FBXL6: variants seen among roughly 807,000 people sequenced by gnomAD.
FBXL6 encodes the protein F-box/LRR-repeat protein 6.
In FBXL6, 50 loss-of-function variants were observed where a neutral mutation model predicts 53.3. That is an observed-to-expected ratio of 0.94 (90% CI 0.75 to 1.19). The LOEUF is 1.19. FBXL6 is among the 50% of genes most tolerant of loss of function. FBXL6 has a pLI of 0.00. For missense variants in FBXL6, 815 were observed against 719.0 expected (o/e 1.13, Z -1.53); for synonymous variants, 405 against 322.9 (o/e 1.25, Z -2.73).
At position 144,356,710 on chromosome 8, in the gene FBXL6, T is replaced by A; in HGVS notation, c.883A>T (p.Ser295Cys). ...AGGACCTGGAGCTGGGGGCAGCAGC[T>A]GCCCTGCAGAGATGGGGGGAGGGGG... ...TTAILGALLGSCCPQLQVLEV... is the reference protein window; with the variant it reads ...TTAILGALLGCCCPQLQVLEV... Residue 295 changes from serine to cysteine, a missense_variant, in exon 6 of 9, where the codon AGC becomes TGC. Coordinates refer to ENST00000331890, the MANE Select transcript of FBXL6 (RefSeq NM_012162.4). 5 of 1,611,896 alleles carry A rather than the reference T, an allele frequency of 3.1e-6. No individual in the cohort carries two copies. The highest frequency in any genetic ancestry group is 4.2e-6 in the Non-Finnish European group (5 of 1,179,692).
rs1818416215 is a variant in FBXL6 at position 144,356,379 on chromosome 8, G to A, written c.1146C>T (p.Gly382=). 1 of 1,380,190 alleles carries A rather than the reference G, an allele frequency of 7.2e-7. No individual in the cohort carries two copies. Among genetic ancestry groups the A allele is most frequent in the Non-Finnish European group, 9.4e-7 (1 of 1,059,896 alleles). The allele number at this position is 1,380,190 out of a possible 1,614,324, so 85.5% of individuals were successfully genotyped here. The change falls in exon 7 of 9, where the codon GGC becomes GGT. Residue 382 remains glycine, a synonymous_variant. Coordinates refer to ENST00000331890, the MANE Select transcript of FBXL6 (RefSeq NM_012162.4). The stretch of plus-strand genomic sequence containing the variant: ...GATCCAGTAAGCGCAGGTTGGGAGA[G>A]CCGTGGAGTAGGCGGCCCAGGACCT... The part of the protein sequence containing the change: ...SNEVLGRLLH[G]SPNLRLLDLR...
In FBXL6 at chr8:144,358,232, G is replaced by A; in HGVS notation, c.216C>T (p.Pro72=). The stretch of plus-strand genomic sequence containing the variant: ...GCTTGGCCGCGGCGCTGGGGCCCCG[G>A]GGCGGCTGCCGGGGAGTGCGGCGGG... ...RASRRTPRQP[P]RGPSAAAKPK... Residue 72 remains proline, a synonymous_variant, in exon 1 of 9, where the codon CCC becomes CCT. Coordinates refer to ENST00000331890, the MANE Select transcript of FBXL6 (RefSeq NM_012162.4). 1 of 1,208,606 alleles carries A rather than the reference G, an allele frequency of 8.3e-7. No homozygotes were observed. Among genetic ancestry groups the A allele is most frequent in the Non-Finnish European group, 1.0e-6 (1 of 972,866 alleles). The allele number at this position is 1,208,606 out of a possible 1,614,324, so 74.9% of individuals were successfully genotyped here. A position where few individuals can be genotyped will look rare whatever the true frequency, so the allele number is the denominator to read the frequency against.
At chr8:144,355,947 A>T (rs1174979788) in intron 8 of FBXL6, 21 bp downstream of exon 8, 2 of 1,608,674 alleles carry the variant, frequency 1.2e-6, no homozygotes, top group Non-Finnish European at 8.5e-7. Context: ...GGCTCCAGGG[A>T]CTGGGGTAGG....
rs117589117 is a variant in FBXL6, at chr8:144,357,099, C to A, written c.662G>T (p.Arg221Leu). Residue 221 changes from arginine to leucine, a missense_variant, in exon 4 of 9, where the codon CGG (arginine) becomes CTG (leucine). Transcript: ENST00000331890. ...GCCGGAGAGCTTGAGGAAAGTGAGC[C>A]GAGGACAGCACTCACCTACCAGCTG... Reference protein sequence around the residue: ...VLKLVGECCPRLTFLKLSGCH... With the variant: ...VLKLVGECCPLLTFLKLSGCH... 4.5e-3 allele frequency: 7,257 copies of A among 1,612,872 alleles called. 19 individuals are homozygous for A. The highest frequency in any genetic ancestry group is 5.6e-3 in the Non-Finnish European group (6,555 of 1,180,008).
chr8:144,356,796 A>C lies in FBXL6; in HGVS notation c.879+12T>G. The C allele has an allele frequency of 1.9e-6, 3 of 1,613,214 alleles. No individual in the cohort carries two copies. The highest frequency in any genetic ancestry group is 2.5e-6 in the Non-Finnish European group (3 of 1,179,962). ...TCAGCATCTGCCTCTGCTCCCACCA[A>C]TGCCAACTTACCAGCAGTGCGCCCA... On this transcript the variant is annotated intron_variant, in intron 5 of 8. Coordinates refer to ENST00000331890, the MANE Select transcript of FBXL6 (RefSeq NM_012162.4).
In FBXL6 at chr8:144,356,956, G is replaced by GT. The variant is rs782111680; in HGVS notation, c.771+33dup. 4.3e-6 allele frequency: 7 copies of GT among 1,612,978 alleles called. No individual in the cohort carries two copies. The Admixed American group carries it at 6.7e-5, about 15-fold the overall frequency. On this transcript the variant is annotated intron_variant, in intron 4 of 8. Transcript: ENST00000331890. ...AAGAGCACCCGTCACCCCGGCCTGG[G>GT]TTTTTTCAGGGCCCCTTGGGACACA...
Position 144,357,052 on chromosome 8 carries a change from C to G in FBXL6, c.709G>C (p.Ala237Pro). Residue 237 changes from alanine to proline, a missense_variant, in exon 4 of 9, where the codon GCT becomes CCT. By Grantham distance (27) the Ala-to-Pro change is conservative. Coordinates refer to ENST00000331890, the MANE Select transcript of FBXL6 (RefSeq NM_012162.4). ...LSGCHGVTAD[A>P]LVMLAKACCQ... ...CAGGCTTTGGCTAGCATGACCAGAG[C>G]GTCAGCAGTCACACCGTGGCAGCCG... 6.2e-7 allele frequency: 1 copy of G among 1,612,922 alleles called. No homozygotes were observed. The highest frequency in any genetic ancestry group is 8.5e-7 in the Non-Finnish European group (1 of 1,180,012).
Position 144,356,044 on chromosome 8 carries a change from T to C in FBXL6, c.1396A>G (p.Ser466Gly), listed in dbSNP as rs61747069. The change falls in exon 8 of 9, where the codon AGC (serine) becomes GGC (glycine). Residue 466 changes from serine to glycine, a missense_variant. Coordinates refer to ENST00000331890, the MANE Select transcript of FBXL6 (RefSeq NM_012162.4). Reference sequence around the variant, plus strand: ...GCTGGGTGTGAGCCCCCAGGGGTGCTTAAGAAGGCAGCCAGGGCCTGCTCC... The same window carrying C: ...GCTGGGTGTGAGCCCCCAGGGGTGCCTAAGAAGGCAGCCAGGGCCTGCTCC... ...DLEQALAAFL[S>G]TPGGSHPALC... is the part of the protein sequence containing the mutation. 1.0e-4 allele frequency: 169 copies of C among 1,612,860 alleles called. No homozygotes were observed. Among genetic ancestry groups the C allele is most frequent in the Non-Finnish European group, 1.3e-4 (152 of 1,179,998 alleles).
chr8:144,355,769 T>G, intron 8 of FBXL6, 91 bp from the exon 9 acceptor site: 1 of 1,549,408 alleles, frequency 6.5e-7, no homozygotes, highest in Non-Finnish European at 8.7e-7. Context: ...GTTCGACACC[T>G]GGCTCTGCCA....
chr8:144,355,945 G>A (rs1818383748), intron 8 of FBXL6, 23 bp downstream of exon 8: 2 of 1,608,492 alleles, frequency 1.2e-6, no homozygotes, highest in Non-Finnish European at 1.7e-6. Context: ...CTGGCTCCAG[G>A]GACTGGGGTA....
Position 144,355,544 on chromosome 8 carries a change from G to A in FBXL6, c.1607C>T (p.Pro536Leu). The change falls in exon 9 of 9, where the codon CCC (proline) becomes CTC (leucine). Residue 536 changes from proline (P) to leucine (L), a missense_variant. Transcript: ENST00000331890. ...GTCTGTGGCTGCCTAGCTGGGTGAG[G>A]GGCTGGTGAGCAGCTGCTCCAGACA... ...QWCLEQLLTS[P>L]SPS 1 of 1,610,162 alleles carries A rather than the reference G, an allele frequency of 6.2e-7. No individual in the cohort carries two copies. The highest frequency in any genetic ancestry group is 1.3e-5 in the African/African-American group (1 of 74,998).
chr8:144,356,723 T>C lies in FBXL6; in HGVS notation c.880-10A>G, dbSNP rs1564648952. The C allele has an allele frequency of 1.9e-6, 3 of 1,609,530 alleles. No individual in the cohort carries two copies. Among genetic ancestry groups the C allele is most frequent in the South Asian group, 1.1e-5 (1 of 90,982 alleles). On this transcript the variant is annotated splice_polypyrimidine_tract_variant and intron_variant, in intron 5 of 8. Coordinates refer to ENST00000331890, the MANE Select transcript of FBXL6 (RefSeq NM_012162.4). ...GGGGGCAGCAGCTGCCCTGCAGAGA[T>C]GGGGGGAGGGGGTAGGTCACAGGGT...
chr8:144,357,850 A>G lies in FBXL6; in HGVS notation c.417-64T>C, dbSNP rs1204941189. 2.8e-6 allele frequency: 4 copies of G among 1,450,246 alleles called. No individual in the cohort carries two copies. In the Admixed American group the frequency reaches 8.0e-5, roughly 29 times the overall value. 89.8% of individuals were successfully genotyped at this position (1,450,246 alleles called of 1,614,324 possible). ...AGGCGATGCCCCCCTCTCGCAGCGC[A>G]GTAGACACCCCGGCTCAAAGCCGGG... On this transcript the variant is annotated intron_variant, in intron 1 of 8. Coordinates refer to ENST00000331890, the MANE Select transcript of FBXL6 (RefSeq NM_012162.4).
chr8:144,355,869 C>G, intron 8 of FBXL6, 99 bp downstream of exon 8: 1 of 1,565,880 alleles, frequency 6.4e-7, no homozygotes. Context: ...CCCCTCTGAC[C>G]CCTGGAGGTC....
Position 144,357,771 on chromosome 8 carries a change from G to C in FBXL6, c.432C>G (p.Cys144Trp), listed in dbSNP as rs782666466. The change falls in exon 2 of 9, where the codon TGC becomes TGG. Residue 144 changes from cysteine to tryptophan, a missense_variant. Transcript: ENST00000331890. The part of the protein sequence containing the change: ...MPFLGRAARV[C>W]RRWQEAASQP... ...GGGAAGCGGCCTCCTGCCAGCGGCGGCACACGCGCGCAGCCCTGGGAGGAC... is the reference window on the plus strand; with the variant it reads ...GGGAAGCGGCCTCCTGCCAGCGGCGCCACACGCGCGCAGCCCTGGGAGGAC... 1.3e-6 allele frequency: 2 copies of C among 1,577,972 alleles called. No homozygotes were observed. Among genetic ancestry groups the C allele is most frequent in the South Asian group, 2.3e-5 (2 of 87,896 alleles).
Position 144,356,345 on chromosome 8 carries a change from A to T in FBXL6, c.1180T>A (p.Cys394Ser). The change falls in exon 7 of 9, where the codon TGT (cysteine) becomes AGT (serine). Residue 394 changes from cysteine to serine, a missense_variant. Cys to Ser is a moderately radical substitution (Grantham distance 112, BLOSUM62 -1). Transcript: ENST00000331890. ...PNLRLLDLRG[C>S]ARITPAGLQD... ...AGGCCAGCCGGCGTGATGCGCGCAC[A>T]GCCACGAAGATCCAGTAAGCGCAGG... 8.2e-7 allele frequency: 1 copy of T among 1,213,082 alleles called. No homozygotes were observed. Among genetic ancestry groups the T allele is most frequent in the Non-Finnish European group, 1.0e-6 (1 of 967,886 alleles). The allele number at this position is 1,213,082 out of a possible 1,614,324, so 75.1% of individuals were successfully genotyped here. A position where few individuals can be genotyped will look rare whatever the true frequency, so the allele number is the denominator to read the frequency against.
chr8:144,355,642 G>T lies in FBXL6; in HGVS notation c.1509C>A (p.Leu503=), dbSNP rs782542949. Reference sequence around the variant, plus strand: ...GAAGGCAGCGGCAGGACTCCAGGTTGAGGTAGAGCAGGCCCGGGCAGCCGC... The same window carrying T: ...GAAGGCAGCGGCAGGACTCCAGGTTTAGGTAGAGCAGGCCCGGGCAGCCGC... The part of the protein sequence containing the change: ...VISGCPGLLY[L]NLESCRCLPR... The change falls in exon 9 of 9, where the codon CTC becomes CTA. Residue 503 remains leucine (L), a synonymous_variant. Transcript: ENST00000331890. 1 of 1,610,980 alleles carries T rather than the reference G, an allele frequency of 6.2e-7. No homozygotes were observed. The highest frequency in any genetic ancestry group is 8.5e-7 in the Non-Finnish European group (1 of 1,179,800).
intron 6 of FBXL6, 27 bp downstream of exon 6, chr8:144,356,564 GGGTGTGACA>G: frequency 1.2e-6 from 2 of 1,612,658 alleles, no homozygotes; most frequent in Non-Finnish European, 1.7e-6. Context: ...AGATGGGGGA[GGGTGTGACA>G]GGTGGGAGAG....
chr8:144,357,303 G>T, intron 3 of FBXL6, 136 bp downstream of exon 3: 1 of 1,281,192 alleles, frequency 7.8e-7, no homozygotes, highest in South Asian at 1.4e-5. Context: ...GAAACAGCAG[G>T]AAAAGAGAAC....
Sources: gnomAD v4.1 joint callset for allele counts on GRCh38, gnomAD v4.1.1 for gene constraint, MANE v1.5 for transcripts, NCBI Gene and HGNC (gene_info 2026-07-23, HGNC 2026-07-21) for gene names.